Variants in ERGIC1 observed in about 807,000 individuals in gnomAD.
ERGIC1 encodes endoplasmic reticulum-golgi intermediate compartment 1.
Under a neutral mutation model 38.3 loss-of-function variants are expected in ERGIC1, and 19 were observed. That is an observed-to-expected ratio of 0.50 (90% CI 0.35 to 0.73). The LOEUF is 0.73. Among genes scored for constraint, ERGIC1 ranks in the 30% least tolerant of loss-of-function variants. ERGIC1 has a pLI of 0.01. For missense variants in ERGIC1, 294 were observed against 389.2 expected (o/e 0.76, Z 2.06); for synonymous variants, 124 against 157.6 (o/e 0.79, Z 1.60).
chr5:172,857,723 A>AT (rs1218335988), intron 1 of ERGIC1, among the ~76,000 whole-genome samples: 1 of 151,326 alleles, frequency 6.6e-6, no homozygotes, highest in East Asian at 1.9e-4. Flanking sequence ...GACCCCAGGC[A>AT]CCCCTCTTCC....
Position 172,834,584 on chromosome 5 carries a change from C to A in ERGIC1, c.20+151C>A, listed in dbSNP as rs1477833587. The A allele has an allele frequency of 1.3e-5, 9 of 714,598 alleles. No individual in the cohort carries two copies. The highest frequency in any genetic ancestry group is 1.7e-5 in the Non-Finnish European group (9 of 535,584). 44.3% of individuals were successfully genotyped at this position (714,598 alleles called of 1,614,324 possible). A position where few individuals can be genotyped will look rare whatever the true frequency, so the allele number is the denominator to read the frequency against. On this transcript the variant is annotated intron_variant, in intron 1 of 9. Coordinates refer to ENST00000393784, the MANE Select transcript of ERGIC1 (RefSeq NM_001031711.3). The surrounding 1 kb of genome is among the most constrained non-coding windows in gnomAD (Gnocchi z 4.1). ...GCCCCTAGGGACCCCAGGCGAGCCC[C>A]CCCCCTGCCGCACACGAAGCCAGCC...
chr5:172,893,891 A>ATGTGTG (rs1310207956), intron 2 of ERGIC1, among the ~76,000 whole-genome samples: 6 of 19,654 alleles, frequency 3.1e-4, no homozygotes, highest in African/African-American at 5.7e-4. Context: ...ATATATATAT[A>ATGTGTG]TATATATATA....
At chr5:172,871,831 G>A (rs1762017921) in intron 1 of ERGIC1, among the ~76,000 whole-genome samples, 1 of 152,214 alleles carries the variant, frequency 6.6e-6, no homozygotes, top group African/African-American at 2.4e-5. Context: ...CCCTGACTGT[G>A]TCTTTCTTTT....
chr5:172,920,427 G>GT, intron 5 of ERGIC1: 1 of 717,796 alleles, frequency 1.4e-6, no homozygotes, highest in East Asian at 2.7e-5. Context: ...AGCCTCACCA[G>GT]AGACCCCACG....
chr5:172,907,824 G>A (rs1040334451), intron 3 of ERGIC1, among the ~76,000 whole-genome samples: 1 of 152,180 alleles, frequency 6.6e-6, no homozygotes, highest in African/African-American at 2.4e-5. Context: ...GGGGGTGGCA[G>A]CATATTTAGG....
intron 7 of ERGIC1, among the ~76,000 whole-genome samples, chr5:172,929,930 G>A (rs1763737010): frequency 6.6e-6 from 1 of 152,230 alleles, no homozygotes. Flanking sequence ...GCTAACGCCT[G>A]TAATCCCAGC....
intron 1 of ERGIC1, chr5:172,867,301 G>A: frequency 2.4e-6 from 1 of 419,484 alleles, no homozygotes; most frequent in Non-Finnish European, 4.9e-6. Context: ...GGACCTCCCA[G>A]GTGGGCAGGT....
chr5:172,895,965 C>T (rs1762712034), intron 2 of ERGIC1, among the ~76,000 whole-genome samples: 1 of 152,064 alleles, frequency 6.6e-6, no homozygotes, highest in African/African-American at 2.4e-5. Context: ...CCACAAACCC[C>T]AGTGTCTTTA....
At chr5:172,860,913 G>A (rs920915063) in intron 1 of ERGIC1, among the ~76,000 whole-genome samples, 4 of 152,180 alleles carry the variant, frequency 2.6e-5, no homozygotes, top group African/African-American at 7.2e-5. Flanking sequence ...AGGAAGGGCC[G>A]GCGAGAGCGG....
chr5:172,873,169 C>A (rs2113172494), intron 1 of ERGIC1, among the ~76,000 whole-genome samples: 1 of 152,340 alleles, frequency 6.6e-6, no homozygotes, highest in South Asian at 2.1e-4. Context: ...CATGCTCTGC[C>A]CCTCTAAGAA....
At chr5:172,887,550 A>C (rs1762453702) in intron 1 of ERGIC1, among the ~76,000 whole-genome samples, 1 of 152,242 alleles carries the variant, frequency 6.6e-6, no homozygotes. Context: ...ATGGTGAACG[A>C]GAGGACCAGC....
chr5:172,884,543 C>T (rs1206179197), intron 1 of ERGIC1, among the ~76,000 whole-genome samples: 1 of 152,230 alleles, frequency 6.6e-6, no homozygotes, highest in Non-Finnish European at 1.5e-5. Context: ...GCATGAGCCA[C>T]TGACTGTGTC....
At chr5:172,888,337 G>A (rs1375002116) in intron 1 of ERGIC1, among the ~76,000 whole-genome samples, 6 of 152,088 alleles carry the variant, frequency 3.9e-5, no homozygotes, top group African/African-American at 1.2e-4. Flanking sequence ...GCACATGCCC[G>A]TAGTCCCAGC....
At chr5:172,914,991 G>A in intron 5 of ERGIC1, 153 bp downstream of exon 5, 1 of 1,259,574 alleles carries the variant, frequency 7.9e-7, no homozygotes. Flanking sequence ...GGCCGTTCCT[G>A]CTGAGAATCT....
At chr5:172,885,743 A>T (rs745988601) in intron 1 of ERGIC1, among the ~76,000 whole-genome samples, 7 of 149,860 alleles carry the variant, frequency 4.7e-5, no homozygotes, top group Non-Finnish European at 8.9e-5. Flanking sequence ...GAGAACCCAC[A>T]TGCCCTCCCC....
chr5:172,862,066 G>A (rs549192392), intron 1 of ERGIC1, among the ~76,000 whole-genome samples: 27 of 151,220 alleles, frequency 1.8e-4, no homozygotes, highest in African/African-American at 5.6e-4. Flanking sequence ...ATCTCGGCTC[G>A]CTGCAACCTC....
chr5:172,935,021 G>A, intron 8 of ERGIC1, 167 bp from the exon 9 acceptor site: 2 of 969,764 alleles, frequency 2.1e-6, no homozygotes, highest in South Asian at 1.5e-5. Context: ...AGAGTTCAGG[G>A]CCTCCAGGGG....
chr5:172,877,458 A>ATAT (rs58452182), intron 1 of ERGIC1, among the ~76,000 whole-genome samples: 6 of 86,624 alleles, frequency 6.9e-5, no homozygotes, highest in African/African-American at 2.1e-4. Context: ...ATATATATAT[A>ATAT]TTTTTTTTTT....
At chr5:172,921,212 C>T (rs1349210390) in intron 5 of ERGIC1, among the ~76,000 whole-genome samples, 1 of 152,226 alleles carries the variant, frequency 6.6e-6, no homozygotes, top group Non-Finnish European at 1.5e-5. Context: ...GCCTAAGGCT[C>T]CCCAGCTAGG....
Sources: gnomAD v4.1 joint callset for allele counts (sites outside exome capture counted in the v4.1 genomes callset) on GRCh38, gnomAD v4.1.1 for gene constraint, Gnocchi (gnomAD v3.1) non-coding constraint, MANE v1.5 for transcripts, NCBI Gene and HGNC (gene_info 2026-07-23, HGNC 2026-07-21) for gene names.